The following DSCAML1 variants were observed in gnomAD, a reference collection of about 807,000 sequenced individuals.
DSCAML1 encodes the protein DS cell adhesion molecule like 1.
A neutral mutation model predicts 200.5 loss-of-function variants in DSCAML1; 38 were observed. That is an observed-to-expected ratio of 0.19 (90% confidence interval 0.15 to 0.25). The LOEUF is 0.25. DSCAML1 is among the 10% of genes least tolerant of loss of function. The pLI, the probability that DSCAML1 is intolerant of heterozygous loss-of-function variation, is 1.00. For synonymous variants in DSCAML1, 1,215 were observed against 1,165.0 expected (o/e 1.04, Z -0.87); for missense variants, 2,223 against 2,858.8 (o/e 0.78, Z 5.07).
chr11:117,790,355 C>T (rs2055438112), intron 1 of DSCAML1, among the ~76,000 whole-genome samples: 2 of 152,250 alleles, frequency 1.3e-5, no homozygotes, highest in South Asian at 2.1e-4. Flanking sequence ...ACTCCCACTA[C>T]CACTGGGGCC....
intron 3 of DSCAML1, among the ~76,000 whole-genome samples, chr11:117,654,328 A>G (rs2052692004): frequency 6.6e-6 from 1 of 152,158 alleles, no homozygotes; most frequent in Non-Finnish European, 1.5e-5. Flanking sequence ...GTGCCTTTTA[A>G]ATGGGTGTAT....
chr11:117,757,718 C>T (rs2137883783), intron 3 of DSCAML1, among the ~76,000 whole-genome samples: 1 of 152,214 alleles, frequency 6.6e-6, no homozygotes, highest in South Asian at 2.1e-4. Context: ...TGGCTCACAC[C>T]TGTAATCCTC....
At chr11:117,549,817 C>T (rs1028610094) in intron 3 of DSCAML1, among the ~76,000 whole-genome samples, 1 of 152,200 alleles carries the variant, frequency 6.6e-6, no homozygotes, top group African/African-American at 2.4e-5. Context: ...TTTTGAACCT[C>T]TGCTTTTTAA....
Position 117,428,820 on chromosome 11 carries a change from A to G in DSCAML1, c.5687-17T>C. On this transcript the variant is annotated splice_polypyrimidine_tract_variant and intron_variant, in intron 32 of 32. Coordinates refer to ENST00000651296, the MANE Select transcript of DSCAML1 (RefSeq NM_020693.4). ...AGTAGTCACCTGGAATCACAGAGGC[A>G]GAGGATGTTACAGAGAGTCATAGCC... 1.3e-6 allele frequency: 2 copies of G among 1,572,834 alleles called. No homozygotes were observed. Among genetic ancestry groups the G allele is most frequent in the South Asian group, 2.3e-5 (2 of 86,490 alleles).
At chr11:117,630,714 G>A (rs1234921703) in intron 3 of DSCAML1, among the ~76,000 whole-genome samples, 2 of 149,928 alleles carry the variant, frequency 1.3e-5, no homozygotes, top group East Asian at 3.9e-4. Context: ...GGCAGGGCCG[G>A]TGTCTGAAAA....
chr11:117,441,675 A>G (rs1010627173), intron 21 of DSCAML1, among the ~76,000 whole-genome samples: 1 of 151,664 alleles, frequency 6.6e-6, no homozygotes, highest in South Asian at 2.1e-4. Flanking sequence ...GGGTGGAGGG[A>G]GAGTGAGAGT....
At chr11:117,707,621 C>T (rs1415956469) in intron 3 of DSCAML1, among the ~76,000 whole-genome samples, 1 of 152,194 alleles carries the variant, frequency 6.6e-6, no homozygotes, top group Non-Finnish European at 1.5e-5. Context: ...GCAACCTCTG[C>T]CTTCCGGGTT....
chr11:117,736,488 G>T (rs925337450), intron 3 of DSCAML1, among the ~76,000 whole-genome samples: 1 of 152,192 alleles, frequency 6.6e-6, no homozygotes, highest in Non-Finnish European at 1.5e-5. Flanking sequence ...AACCAACCCT[G>T]GTGCAAAATG....
At chr11:117,574,731 C>T in intron 3 of DSCAML1, among the ~76,000 whole-genome samples, 1 of 152,230 alleles carries the variant, frequency 6.6e-6, no homozygotes, top group South Asian at 2.1e-4. Context: ...CCCAGCCCTA[C>T]TGTGGGGCCT....
At chr11:117,491,378 G>T in intron 11 of DSCAML1, among the ~76,000 whole-genome samples, 1 of 152,222 alleles carries the variant, frequency 6.6e-6, no homozygotes, top group East Asian at 1.9e-4. Flanking sequence ...GGAAACTGAG[G>T]CTGAGATAAA....
intron 32 of DSCAML1, among the ~76,000 whole-genome samples, chr11:117,430,516 C>T (rs2047764214): frequency 6.6e-6 from 1 of 152,226 alleles, no homozygotes; most frequent in Non-Finnish European, 1.5e-5. Context: ...TGCCCAAGGC[C>T]ACAGACATAG....
Position 117,469,947 on chromosome 11 carries a change from T to C in DSCAML1, c.2987A>G (p.Gln996Arg). 1 of 1,608,848 alleles carries C rather than the reference T, an allele frequency of 6.2e-7. No homozygotes were observed. Among genetic ancestry groups the C allele is most frequent in the Non-Finnish European group, 8.5e-7 (1 of 1,176,626 alleles). The part of the protein sequence containing the change: ...PDGPPMDVTL[Q>R]PVTSQSIQVT... The stretch of plus-strand genomic sequence containing the variant: ...CTGGATGCTCTGTGAGGTCACTGGC[T>C]GCAAGGTAACATCCATGGGGGGCCC... Residue 996 changes from glutamine to arginine, a missense_variant, in exon 16 of 33, where the codon CAG becomes CGG. Physicochemically the swap from Gln to Arg is conservative, Grantham distance 43. Coordinates refer to ENST00000651296, the MANE Select transcript of DSCAML1 (RefSeq NM_020693.4). The surrounding 1 kb of genome is among the most constrained non-coding windows in gnomAD (Gnocchi z 4.1).
chr11:117,465,561 C>T (rs965322760), intron 16 of DSCAML1, among the ~76,000 whole-genome samples: 1 of 152,160 alleles, frequency 6.6e-6, no homozygotes, highest in Non-Finnish European at 1.5e-5. Flanking sequence ...TATTTTTCTT[C>T]CCGGTTTATT....
At chr11:117,635,710 A>T (rs2052269147) in intron 3 of DSCAML1, among the ~76,000 whole-genome samples, 1 of 144,154 alleles carries the variant, frequency 6.9e-6, no homozygotes, top group Non-Finnish European at 1.5e-5. Context: ...GGGAGAAGGC[A>T]AAAAAAGGGC....
In DSCAML1 at chr11:117,489,535, T is replaced by A. The variant is rs557501992; in HGVS notation, c.2360-7373A>T. On this transcript the variant is annotated intron_variant, in intron 11 of 32. Coordinates refer to ENST00000651296, the MANE Select transcript of DSCAML1 (RefSeq NM_020693.4). The surrounding 1 kb of genome is among the most constrained non-coding windows in gnomAD (Gnocchi z 4.8). ...CACAGTGGTGTGGGTGAGCTCCTTC[T>A]CAATACACAGCTCCTTCCTATACAG... 3.4e-4 allele frequency among the ~76,000 whole-genome samples: 52 copies of A among 152,298 alleles called. No individual in the cohort carries two copies. Among genetic ancestry groups the A allele is most frequent in the Non-Finnish European group, 6.3e-4 (43 of 68,008 alleles).
At chr11:117,557,047 T>C (rs749331557) in intron 3 of DSCAML1, among the ~76,000 whole-genome samples, 4 of 152,196 alleles carry the variant, frequency 2.6e-5, no homozygotes, top group South Asian at 2.1e-4. Flanking sequence ...AGGATGCACG[T>C]TGGGCTAGAT....
rs769025037 is a variant in DSCAML1, at chr11:117,521,207, C to T, written c.1136G>A (p.Ser379Asn). ...GAAGCACTGGTAGGCCCCGGAATGG[C>T]TCTTCTGGGCCGAGGTGATGAGCAG... ...ETLLITSAQKSHSGAYQCFAT... is the reference protein window; with the variant it reads ...ETLLITSAQKNHSGAYQCFAT... The change falls in exon 6 of 33, where the codon AGC becomes AAC. Residue 379 changes from serine to asparagine, a missense_variant. Transcript: ENST00000651296. 4 of 1,614,154 alleles carry T rather than the reference C, an allele frequency of 2.5e-6. No homozygotes were observed. In the East Asian group the frequency reaches 6.7e-5, roughly 27 times the overall value.
chr11:117,596,075 C>A lies in DSCAML1; in HGVS notation c.512-63553G>T, dbSNP rs568070218. On this transcript the variant is annotated intron_variant, in intron 3 of 32. Coordinates refer to ENST00000651296, the MANE Select transcript of DSCAML1 (RefSeq NM_020693.4). ...TATACATGCAAGCCCATCGCTCCTGCAGAAAGCAGTGGGTTGAATTCAATT... is the reference window on the plus strand; with the variant it reads ...TATACATGCAAGCCCATCGCTCCTGAAGAAAGCAGTGGGTTGAATTCAATT... 7.4e-4 allele frequency among the ~76,000 whole-genome samples: 112 copies of A among 152,296 alleles called. 1 individual carries two copies. Among genetic ancestry groups the A allele is most frequent in the Non-Finnish European group, 1.3e-3 (89 of 68,026 alleles).
chr11:117,640,407 T>C (rs1344087881), intron 3 of DSCAML1, among the ~76,000 whole-genome samples: 1 of 152,158 alleles, frequency 6.6e-6, no homozygotes. Flanking sequence ...AGATTGTTGC[T>C]CTTACTTTAG....
Sources: gnomAD v4.1 joint callset for allele counts (sites outside exome capture counted in the v4.1 genomes callset) on GRCh38, gnomAD v4.1.1 for gene constraint, Gnocchi (gnomAD v3.1) non-coding constraint, MANE v1.5 for transcripts, NCBI Gene and HGNC (gene_info 2026-07-23, HGNC 2026-07-21) for gene names.